PTPRD: variants seen among roughly 807,000 people sequenced by gnomAD.
PTPRD encodes protein tyrosine phosphatase receptor type D.
A neutral mutation model predicts 214.5 loss-of-function variants in PTPRD; 34 were observed. That is an observed-to-expected ratio of 0.16 (90% CI 0.12 to 0.21). PTPRD has a LOEUF of 0.21. Ranked by LOEUF, PTPRD falls within the 10% of genes least tolerant of loss-of-function variation. The probability of loss-of-function intolerance (pLI) is 1.00; values close to 1 mark genes in which losing one functional copy is unlikely to be tolerated. For synonymous variants in PTPRD, 1,128 were observed against 845.7 expected, an observed-to-expected ratio of 1.33 and a Z score of -5.79; for missense variants, 2,545 against 2,398.7, an observed-to-expected ratio of 1.06 and a Z score of -1.27.
At chr9:8,796,394 T>G (rs114395640) in intron 11 of PTPRD, among the ~76,000 whole-genome samples, 1,955 of 152,274 alleles carry the variant, frequency 0.013, 33 homozygotes, top group African/African-American at 0.039. Context: ...TGTTCTTCAG[T>G]AGGCTGACAC....
intron 9 of PTPRD, among the ~76,000 whole-genome samples, chr9:9,223,728 G>C (rs1305237662): frequency 6.6e-6 from 1 of 151,948 alleles, no homozygotes; most frequent in Non-Finnish European, 1.5e-5. Context: ...CAGGCAAAGT[G>C]CATTGACAAT....
intron 7 of PTPRD, among the ~76,000 whole-genome samples, chr9:9,722,663 C>T (rs2097981128): frequency 6.6e-6 from 1 of 152,006 alleles, no homozygotes; most frequent in Admixed American, 6.6e-5. Flanking sequence ...GAAGTGTCTG[C>T]ATCATTTTGC....
intron 5 of PTPRD, among the ~76,000 whole-genome samples, chr9:9,917,099 T>TG (rs1566284164): frequency 1.0e-4 from 13 of 128,166 alleles, no homozygotes; most frequent in African/African-American, 4.0e-4. Context: ...AATGTCTACA[T>TG]CAAAAAAAAC....
intron 6 of PTPRD, among the ~76,000 whole-genome samples, chr9:9,736,511 G>C (rs1054152011): frequency 6.6e-6 from 1 of 152,024 alleles, no homozygotes. Context: ...TGTTAAGAGT[G>C]ACATTACTGG....
chr9:8,564,413 T>G (rs2087975337), intron 14 of PTPRD, among the ~76,000 whole-genome samples: 1 of 152,136 alleles, frequency 6.6e-6, no homozygotes. Context: ...AAAGTTGATA[T>G]TCAGGCCGGG....
At chr9:9,777,776 T>C (rs971717511) in intron 5 of PTPRD, among the ~76,000 whole-genome samples, 7 of 152,204 alleles carry the variant, frequency 4.6e-5, no homozygotes, top group African/African-American at 1.7e-4. Context: ...AAGGTTTTAA[T>C]GGTTTTTTTT....
At chr9:9,033,792 T>G (rs2099613230) in intron 10 of PTPRD, among the ~76,000 whole-genome samples, 1 of 152,070 alleles carries the variant, frequency 6.6e-6, no homozygotes. Context: ...TGAAACACCA[T>G]GACTTTTTGC....
At chr9:9,962,104 G>C (rs1242716864) in intron 4 of PTPRD, among the ~76,000 whole-genome samples, 1 of 152,058 alleles carries the variant, frequency 6.6e-6, no homozygotes, top group Non-Finnish European at 1.5e-5. Context: ...TCTTGCTTCT[G>C]ACAGCAGAAC....
chr9:8,530,492 C>T (rs1402896352), intron 14 of PTPRD, among the ~76,000 whole-genome samples: 1 of 152,072 alleles, frequency 6.6e-6, no homozygotes, highest in Non-Finnish European at 1.5e-5. Context: ...GCTACCATAG[C>T]AGCGGCTACT....
chr9:10,174,175 C>G (rs1472877707), intron 3 of PTPRD, among the ~76,000 whole-genome samples: 1 of 152,102 alleles, frequency 6.6e-6, no homozygotes, highest in Admixed American at 6.6e-5. Context: ...GAATGTTTGT[C>G]CTGCTAAACC....
chr9:10,199,023 A>G (rs368998616), intron 3 of PTPRD, among the ~76,000 whole-genome samples: 2 of 151,792 alleles, frequency 1.3e-5, no homozygotes, highest in East Asian at 3.9e-4. Context: ...AGATACCTAC[A>G]CAGAATTTTC....
chr9:8,383,565 T>C (rs28497451), intron 37 of PTPRD, among the ~76,000 whole-genome samples: 4,711 of 152,272 alleles, frequency 0.031, 239 homozygotes, highest in African/African-American at 0.11. Context: ...CTGGTTTGTA[T>C]GATTCCCTAT....
At chr9:9,840,885 A>G (rs990047273) in intron 5 of PTPRD, among the ~76,000 whole-genome samples, 1 of 151,490 alleles carries the variant, frequency 6.6e-6, no homozygotes, top group Non-Finnish European at 1.5e-5. Flanking sequence ...TGATAAATAT[A>G]AGGAGTTCAA....
chr9:10,195,931 T>C (rs1286245701), intron 3 of PTPRD, among the ~76,000 whole-genome samples: 2 of 152,172 alleles, frequency 1.3e-5, no homozygotes, highest in African/African-American at 2.4e-5. Context: ...ATTCCATTTG[T>C]ACTACTTTGT....
intron 9 of PTPRD, among the ~76,000 whole-genome samples, chr9:9,320,373 A>G (rs1965865791): frequency 6.6e-6 from 1 of 152,198 alleles, no homozygotes; most frequent in Non-Finnish European, 1.5e-5. Flanking sequence ...TATACTGGGC[A>G]TGAAACTTAT....
intron 11 of PTPRD, among the ~76,000 whole-genome samples, chr9:8,810,583 G>C (rs192844701): frequency 6.6e-6 from 1 of 152,084 alleles, no homozygotes; most frequent in African/African-American, 2.4e-5. Context: ...TTGGGTTATC[G>C]AACACGCTCT....
chr9:8,332,169 A>ATTGAAAC (rs1211382994), intron 43 of PTPRD, among the ~76,000 whole-genome samples: 1 of 152,218 alleles, frequency 6.6e-6, no homozygotes, highest in African/African-American at 2.4e-5. Flanking sequence ...TGTAATAAAT[A>ATTGAAAC]TTGAAACAAG....
intron 4 of PTPRD, among the ~76,000 whole-genome samples, chr9:9,981,529 T>G (rs1302949033): frequency 1.6e-5 from 1 of 62,538 alleles, no homozygotes; most frequent in Non-Finnish European, 4.3e-5. Context: ...TAATTTTTTT[T>G]TGTATTTTTT....
chr9:10,412,232 G>A (rs189562592), intron 2 of PTPRD, among the ~76,000 whole-genome samples: 2 of 151,586 alleles, frequency 1.3e-5, no homozygotes, highest in African/African-American at 4.8e-5. Flanking sequence ...AAAAAGGAAT[G>A]TTACCACTGA....
Sources: allele counts gnomAD v4.1 joint callset (sites outside exome capture counted in the v4.1 genomes callset), GRCh38; gene constraint gnomAD v4.1.1; transcripts MANE v1.5; gene names NCBI Gene and HGNC (gene_info 2026-07-23, HGNC 2026-07-21).